The following AMBP variants were observed in gnomAD, a reference collection of about 807,000 sequenced individuals.
AMBP encodes the protein protein AMBP.
AMBP carries 37 observed loss-of-function variants against 46.3 expected under a neutral mutation model. That is an observed-to-expected ratio of 0.80 (90% confidence interval 0.61 to 1.05). AMBP has a LOEUF of 1.05. Among genes scored for constraint, AMBP ranks in the 50% least tolerant of loss-of-function variants. The pLI is 0.00. For missense variants in AMBP, 475 were observed against 461.2 expected (o/e 1.03, Z -0.27); for synonymous variants, 174 against 175.9 (o/e 0.99, Z 0.09).
intron 4 of AMBP, among the ~76,000 whole-genome samples, chr9:114,073,784 C>T (rs1475724899): frequency 2.0e-5 from 3 of 152,146 alleles, no homozygotes; most frequent in Non-Finnish European, 2.9e-5. Context: ...CAGGTGTGAG[C>T]CACAGCCCCC....
Position 114,061,419 on chromosome 9 carries a change from C to T in AMBP, c.853+5G>A, listed in dbSNP as rs1358797708. ...GAGCGCACAGGGGTGGGGACCCGCA[C>T]TCACCCACAGTTCGGCAGGTCTGCA... On this transcript the variant is annotated splice_donor_5th_base_variant and intron_variant, in intron 8 of 9. Transcript: ENST00000265132. 18 of 1,614,002 alleles carry T rather than the reference C, an allele frequency of 1.1e-5. No homozygotes were observed. The highest frequency in any genetic ancestry group is 1.5e-5 in the Non-Finnish European group (18 of 1,180,012).
chr9:114,069,617 G>T, intron 6 of AMBP, 82 bp downstream of exon 6: 1 of 1,277,750 alleles, frequency 7.8e-7, no homozygotes. Context: ...GCCTCCCCCC[G>T]CAGCAGGATC....
chr9:114,070,434 A>T (rs1485933948), intron 5 of AMBP, among the ~76,000 whole-genome samples: 1 of 152,150 alleles, frequency 6.6e-6, no homozygotes, highest in Non-Finnish European at 1.5e-5. Flanking sequence ...ATCCTCGCCC[A>T]CCATCACTGC....
At chr9:114,066,845 T>TA (rs1288464674) in intron 6 of AMBP, among the ~76,000 whole-genome samples, 1 of 152,154 alleles carries the variant, frequency 6.6e-6, no homozygotes, top group Non-Finnish European at 1.5e-5. Flanking sequence ...GGAAGGAAGA[T>TA]AAACTCAATG....
intron 1 of AMBP, chr9:114,077,728 A>G: frequency 9.0e-6 from 2 of 221,168 alleles, no homozygotes; most frequent in Non-Finnish European, 1.8e-5. Context: ...TGCCACAGAG[A>G]GAGGGGAGTC....
At chr9:114,067,407 A>AAAACAAAC (rs371229012) in intron 6 of AMBP, among the ~76,000 whole-genome samples, 11 of 151,948 alleles carry the variant, frequency 7.2e-5, no homozygotes, top group African/African-American at 2.2e-4. Context: ...TGGCTAATTT[A>AAAACAAAC]AAACAAACAA....
At chr9:114,060,658 T>C (rs1402186841) in intron 9 of AMBP, among the ~76,000 whole-genome samples, 3 of 152,136 alleles carry the variant, frequency 2.0e-5, no homozygotes, top group Non-Finnish European at 2.9e-5. Context: ...TTGCTCAACG[T>C]TGCAGGTGCA....
chr9:114,069,959 A>G (rs540303793), intron 5 of AMBP: 3 of 567,748 alleles, frequency 5.3e-6, no homozygotes, highest in Non-Finnish European at 9.4e-6. Context: ...TATCCACTCC[A>G]CCCCACCCCA....
chr9:114,069,809 C>G, intron 5 of AMBP, 64 bp from the exon 6 acceptor site: 1 of 1,547,048 alleles, frequency 6.5e-7, no homozygotes, highest in East Asian at 2.3e-5. Flanking sequence ...ATCCTAGACC[C>G]GGATTTGTAT....
intron 5 of AMBP, 113 bp from the exon 6 acceptor site, chr9:114,069,858 G>GTC: frequency 9.0e-7 from 1 of 1,107,646 alleles, no homozygotes; most frequent in South Asian, 1.3e-5. Context: ...TCGTGCCTTA[G>GTC]TCCACTTCAT....
intron 6 of AMBP, 49 bp from the exon 7 acceptor site, chr9:114,062,807 T>C: frequency 6.4e-7 from 1 of 1,565,322 alleles, no homozygotes; most frequent in Non-Finnish European, 8.8e-7. Flanking sequence ...CTTGCCGCTA[T>C]TGCTTTCCTG....
Position 114,070,327 on chromosome 9 carries a change from G to T in AMBP, c.557-582C>A, listed in dbSNP as rs149206911. 2.2e-4 allele frequency among the ~76,000 whole-genome samples: 33 copies of T among 152,278 alleles called. 1 individual carries two copies. The highest frequency in any genetic ancestry group is 1.4e-3 in the South Asian group (7 of 4,830). Reference sequence around the variant, plus strand: ...GGACCCCTGTGGCTCCCACCCCTGAGGCAGGCAACTGTGCCACCCCCATCC... The same window carrying T: ...GGACCCCTGTGGCTCCCACCCCTGATGCAGGCAACTGTGCCACCCCCATCC... On this transcript the variant is annotated intron_variant, in intron 5 of 9. Transcript: ENST00000265132.
intron 7 of AMBP, 54 bp downstream of exon 7, chr9:114,062,623 G>C: frequency 6.4e-7 from 1 of 1,572,648 alleles, no homozygotes; most frequent in South Asian, 1.1e-5. Context: ...GCCAACTGTG[G>C]GCCCTTCCTT....
At chr9:114,077,794 TGCAGG>T (rs1846829822) in intron 1 of AMBP, among the ~76,000 whole-genome samples, 1 of 152,198 alleles carries the variant, frequency 6.6e-6, no homozygotes, top group African/African-American at 2.4e-5. Context: ...GCACGGGGGC[TGCAGG>T]GCAGTGGCAG....
Position 114,078,112 on chromosome 9 carries a change from T to A in AMBP, c.98A>T (p.Glu33Val). The A allele has an allele frequency of 6.2e-7, 1 of 1,614,042 alleles. No individual in the cohort carries two copies. Reference protein sequence around the residue: ...PTPPDNIQVQENFNISRIYGK... With the variant: ...PTPPDNIQVQVNFNISRIYGK... ...CCTTACCCGAGAGATATTGAAGTTT[T>A]CCTGCACTTGGATGTTGTCGGGCGG... Residue 33 changes from glutamate to valine, a missense_variant, in exon 1 of 10, where the codon GAA becomes GTA. By Grantham distance (121) the Glu-to-Val change is moderately radical. Transcript: ENST00000265132.
At chr9:114,068,211 C>A (rs1425369086) in intron 6 of AMBP, among the ~76,000 whole-genome samples, 1 of 152,142 alleles carries the variant, frequency 6.6e-6, no homozygotes, top group Non-Finnish European at 1.5e-5. Context: ...CTTTTCACAA[C>A]CTTGACTTTA....
In AMBP at chr9:114,076,632, C is replaced by G. The variant is rs1188838144; in HGVS notation, c.226G>C (p.Glu76Gln). 2 of 1,613,942 alleles carry G rather than the reference C, an allele frequency of 1.2e-6. No homozygotes were observed. Among genetic ancestry groups the G allele is most frequent in the Admixed American group, 1.7e-5 (1 of 59,996 alleles). The change falls in exon 2 of 10, where the codon GAG becomes CAG. Residue 76 changes from glutamate to glutamine, a missense_variant. Coordinates refer to ENST00000265132, the MANE Select transcript of AMBP (RefSeq NM_001633.4). ...GTGCTGGTCATGCTGATCTCCGCCT[C>G]TGTAGCGCCCTCTCCCAGCACCAGC... Reference protein sequence around the residue: ...STLVLGEGATEAEISMTSTRW... With the variant: ...STLVLGEGATQAEISMTSTRW...
chr9:114,067,792 G>A (rs77349136), intron 6 of AMBP, among the ~76,000 whole-genome samples: 1 of 152,102 alleles, frequency 6.6e-6, no homozygotes, highest in East Asian at 1.9e-4. Flanking sequence ...TTGCACCCAA[G>A]CAAAATGGCA....
chr9:114,061,369 G>A (rs1588487276), intron 8 of AMBP, 55 bp downstream of exon 8: 1 of 1,608,950 alleles, frequency 6.2e-7, no homozygotes, highest in Non-Finnish European at 8.5e-7. Flanking sequence ...GTGGTTTACT[G>A]GAGGGACAGG....
Sources: allele counts gnomAD v4.1 joint callset (sites outside exome capture counted in the v4.1 genomes callset), GRCh38; gene constraint gnomAD v4.1.1; transcripts MANE v1.5; gene names NCBI Gene and HGNC (gene_info 2026-07-23, HGNC 2026-07-21).